The following REV3L variants were observed in gnomAD, a reference collection of about 807,000 sequenced individuals.
REV3L encodes the protein DNA polymerase zeta catalytic subunit.
REV3L carries 69 observed loss-of-function variants against 299.4 expected under a neutral mutation model. That is an observed-to-expected ratio of 0.23 (90% CI 0.19 to 0.28). The LOEUF (loss-of-function observed/expected upper bound fraction) is 0.28. REV3L is among the 10% of genes least tolerant of loss of function. The pLI is 1.00. For missense variants in REV3L, 3,128 were observed against 3,693.8 expected, an observed-to-expected ratio of 0.85 and a Z score of 3.97; for synonymous variants, 1,238 against 1,271.4, an observed-to-expected ratio of 0.97 and a Z score of 0.56.
chr6:111,451,864 A>G (rs1216890541), intron 1 of REV3L, among the ~76,000 whole-genome samples: 1 of 151,522 alleles, frequency 6.6e-6, no homozygotes, highest in Non-Finnish European at 1.5e-5. Flanking sequence ...AAAAAAAGAT[A>G]AATTGGACTT....
Position 111,406,680 on chromosome 6 carries a change from G to A in REV3L, c.405-1050C>T, listed in dbSNP as rs117890231. On this transcript the variant is annotated intron_variant, in intron 3 of 31. Transcript: ENST00000368802. Reference sequence around the variant, plus strand: ...TTGCTTAAGCAGCTGGTTAGTGGTGGTGCAATTATTTGAAAGGGGAAGAAC... The same window carrying A: ...TTGCTTAAGCAGCTGGTTAGTGGTGATGCAATTATTTGAAAGGGGAAGAAC... 8.4e-3 allele frequency among the ~76,000 whole-genome samples: 1,275 copies of A among 152,212 alleles called. 9 individuals are homozygous for A. Among genetic ancestry groups the A allele is most frequent in the Non-Finnish European group, 0.014 (924 of 68,002 alleles).
rs374017133 is a variant in REV3L at position 111,329,711 on chromosome 6, T to C, written c.8062A>G (p.Arg2688Gly). The change falls in exon 25 of 32, where the codon AGA becomes GGA. Residue 2688 changes from arginine (R) to glycine (G), a missense_variant. This residue lies in a region of REV3L where 149 missense variants were observed against 286.4 expected (regional missense o/e 0.52). Coordinates refer to ENST00000368802, the MANE Select transcript of REV3L (RefSeq NM_001372078.1). ...KPSVRKGVLP[R>G]MLEEILKTRF... Reference sequence around the variant, plus strand: ...GTCTTCAAAATTTCTTCAAGCATTCTTGGTAGTACACCTTTTCTTACTGAA... The same window carrying C: ...GTCTTCAAAATTTCTTCAAGCATTCCTGGTAGTACACCTTTTCTTACTGAA... 9 of 1,613,386 alleles carry C rather than the reference T, an allele frequency of 5.6e-6. No individual in the cohort carries two copies. The highest frequency in any genetic ancestry group is 7.6e-6 in the Non-Finnish European group (9 of 1,180,002).
At chr6:111,342,329 T>C (rs948478242) in intron 21 of REV3L, among the ~76,000 whole-genome samples, 2 of 152,086 alleles carry the variant, frequency 1.3e-5, no homozygotes, top group African/African-American at 4.8e-5. Flanking sequence ...CAGAGGTCTG[T>C]TGCCTCTGTG....
intron 16 of REV3L, among the ~76,000 whole-genome samples, chr6:111,363,566 T>C (rs1778913923): frequency 6.6e-6 from 1 of 151,986 alleles, no homozygotes; most frequent in African/African-American, 2.4e-5. Flanking sequence ...CACCTCCACC[T>C]CCCAAAAATC....
chr6:111,401,307 C>A (rs1214100781), intron 4 of REV3L, among the ~76,000 whole-genome samples: 1 of 152,316 alleles, frequency 6.6e-6, no homozygotes, highest in Non-Finnish European at 1.5e-5. Flanking sequence ...TTGTCTCTGT[C>A]CTGCTTTTCT....
chr6:111,349,315 A>C lies in REV3L; in HGVS notation c.7322T>G (p.Phe2441Cys), dbSNP rs762256477. The C allele has an allele frequency of 2.5e-6, 4 of 1,594,360 alleles. No homozygotes were observed. The highest frequency in any genetic ancestry group is 1.7e-5 in the Admixed American group (1 of 58,858). The change falls in exon 20 of 32, where the codon TTT becomes TGT. Residue 2441 changes from phenylalanine (F) to cysteine (C), a missense_variant. Coordinates refer to ENST00000368802, the MANE Select transcript of REV3L (RefSeq NM_001372078.1). Reference protein sequence around the residue: ...RVPDDKIENRFAAERDEYGSY... With the variant: ...RVPDDKIENRCAAERDEYGSY... Reference sequence around the variant, plus strand: ...TCCATACTCATCTCTTTCAGCTGCAAATCTGTTCTCAATTTTGTCATCTAT... The same window carrying C: ...TCCATACTCATCTCTTTCAGCTGCACATCTGTTCTCAATTTTGTCATCTAT...
intron 25 of REV3L, among the ~76,000 whole-genome samples, chr6:111,323,234 C>G (rs1309155339): frequency 6.6e-6 from 1 of 152,176 alleles, no homozygotes; most frequent in Non-Finnish European, 1.5e-5. Flanking sequence ...GTGATCCACC[C>G]ACCTCGGCCT....
At chr6:111,402,560 T>C (rs987022882) in intron 4 of REV3L, among the ~76,000 whole-genome samples, 7 of 152,210 alleles carry the variant, frequency 4.6e-5, no homozygotes, top group African/African-American at 1.7e-4. Context: ...TTTATTTCAA[T>C]GTTGCCTGGC....
In REV3L at chr6:111,322,994, C is replaced by CCT. The variant is rs1554191608; in HGVS notation, c.8242-317_8242-316insAG. On this transcript the variant is annotated intron_variant, in intron 25 of 31. Coordinates refer to ENST00000368802, the MANE Select transcript of REV3L (RefSeq NM_001372078.1). Reference sequence around the variant, plus strand: ...AGAATAATCCTTCTTTATTCAAGAACTTTTTTTTTTTTTTTGAGGAGTCTC... The same window carrying CCT: ...AGAATAATCCTTCTTTATTCAAGAACCTTTTTTTTTTTTTTTTGAGGAGTCTC... Among the ~76,000 whole-genome samples the CCT allele has an allele frequency of 9.3e-4, 110 of 117,704 alleles. 1 individual carries two copies. Among genetic ancestry groups the CCT allele is most frequent in the Non-Finnish European group, 1.1e-3 (52 of 47,744 alleles). The allele number at this position is 117,704 out of a possible 152,430, so 77.2% of individuals were successfully genotyped here.
At chr6:111,329,363 T>TA (rs1408509995) in intron 25 of REV3L, among the ~76,000 whole-genome samples, 169 bp downstream of exon 25, 2 of 151,598 alleles carry the variant, frequency 1.3e-5, no homozygotes, top group African/African-American at 2.4e-5. Context: ...TTTTTTCTTT[T>TA]AAAAAAGAGA....
At chr6:111,386,716 T>A (rs1304698597) in intron 9 of REV3L, among the ~76,000 whole-genome samples, 4 of 121,402 alleles carry the variant, frequency 3.3e-5, no homozygotes, top group Non-Finnish European at 5.4e-5. Context: ...ATAACAGCAC[T>A]ATTTTTTTTT....
intron 31 of REV3L, among the ~76,000 whole-genome samples, chr6:111,301,264 T>C (rs1278618838): frequency 6.6e-6 from 1 of 152,216 alleles, no homozygotes; most frequent in Non-Finnish European, 1.5e-5. Flanking sequence ...AATGACAATG[T>C]GTGCCCAGCA....
In REV3L at chr6:111,389,077, G is replaced by C. The variant is rs375245402; in HGVS notation, c.862+29C>G. 8.1e-6 allele frequency: 12 copies of C among 1,480,250 alleles called. No homozygotes were observed. The African/African-American group carries it at 8.4e-5, about 10-fold the overall frequency. The allele number at this position is 1,480,250 out of a possible 1,614,324, so 91.7% of individuals were successfully genotyped here. A position where few individuals can be genotyped will look rare whatever the true frequency, so the allele number is the denominator to read the frequency against. On this transcript the variant is annotated intron_variant, in intron 7 of 31. Coordinates refer to ENST00000368802, the MANE Select transcript of REV3L (RefSeq NM_001372078.1). ...TTCCATTAAAATACTTGATTTAAAA[G>C]AATAATCAGAGCACTATTAGGTTTA...
intron 21 of REV3L, among the ~76,000 whole-genome samples, chr6:111,338,875 G>A (rs1209998332): frequency 1.3e-5 from 2 of 152,044 alleles, no homozygotes; most frequent in African/African-American, 2.4e-5. Flanking sequence ...GAAGAATATA[G>A]TCTAAGAGAT....
chr6:111,434,456 T>C (rs1325422314), intron 1 of REV3L, among the ~76,000 whole-genome samples: 1 of 148,792 alleles, frequency 6.7e-6, no homozygotes, highest in East Asian at 2.0e-4. Flanking sequence ...CTAATAAAAA[T>C]ACAAAAAAAA....
At chr6:111,447,610 G>A (rs1247246469) in intron 1 of REV3L, among the ~76,000 whole-genome samples, 1 of 152,170 alleles carries the variant, frequency 6.6e-6, no homozygotes, top group African/African-American at 2.4e-5. Flanking sequence ...TTTAGGCACT[G>A]TGGGTCACAG....
chr6:111,478,009 C>A (rs1793143167), intron 1 of REV3L, among the ~76,000 whole-genome samples: 1 of 152,168 alleles, frequency 6.6e-6, no homozygotes, highest in African/African-American at 2.4e-5. Flanking sequence ...ACTAGAATTA[C>A]TGGGTCAAAA....
intron 22 of REV3L, among the ~76,000 whole-genome samples, chr6:111,334,610 A>G (rs1775732334): frequency 6.6e-6 from 1 of 152,152 alleles, no homozygotes; most frequent in South Asian, 2.1e-4. Flanking sequence ...TTAGAAAAAA[A>G]ATTACTCACA....
intron 19 of REV3L, among the ~76,000 whole-genome samples, chr6:111,349,871 G>A (rs240992): frequency 0.028 from 4,337 of 152,226 alleles, 72 homozygotes; most frequent in South Asian, 0.079. Flanking sequence ...TCACATTCAG[G>A]ATGAAATTCT....
Sources: allele counts gnomAD v4.1 joint callset (sites outside exome capture counted in the v4.1 genomes callset), GRCh38; gene constraint gnomAD v4.1.1; regional missense constraint gnomAD v4.1.1; transcripts MANE v1.5; gene names NCBI Gene and HGNC (gene_info 2026-07-23, HGNC 2026-07-21).